The following TRIM67 variants were observed in gnomAD, a reference collection of about 807,000 sequenced individuals.
The protein encoded by TRIM67 is tripartite motif-containing protein 67.
In TRIM67, 39 loss-of-function variants were observed where a neutral mutation model predicts 71.0. The observed-to-expected ratio is 0.55, with a 90% CI of 0.43 to 0.72. TRIM67 has a LOEUF of 0.72. TRIM67 is among the 30% of genes least tolerant of loss of function. The pLI is 0.00. For missense variants in TRIM67, 973 were observed against 1,079.2 expected, an observed-to-expected ratio of 0.90 and a Z score of 1.38; for synonymous variants, 481 against 473.9, an observed-to-expected ratio of 1.01 and a Z score of -0.19.
At position 231,213,972 on chromosome 1, in the gene TRIM67, G is replaced by C; in HGVS notation, c.2281G>C (p.Val761Leu). Residue 761 changes from valine (V) to leucine (L), a missense_variant, in exon 9 of 10, where the codon GTG becomes CTG. Transcript: ENST00000366653. ...FMPALSLNRNVQVTLHTGLEV... is the reference protein window; with the variant it reads ...FMPALSLNRNLQVTLHTGLEV... ...GCCAGCCCTCAGCCTCAACCGCAAC[G>C]TGCAGGTACACACCTCCCCAGGGCC... The C allele has an allele frequency of 6.2e-7, 1 of 1,609,958 alleles. No individual in the cohort carries two copies. Among genetic ancestry groups the C allele is most frequent in the African/African-American group, 1.3e-5 (1 of 74,990 alleles).
chr1:231,184,005 A>T (rs1461325211), intron 1 of TRIM67: 1 of 152,200 alleles, frequency 6.6e-6, no homozygotes, highest in Admixed American at 6.5e-5. Context: ...CCATCTCTCC[A>T]GGTCTCTTTG....
rs2102769907 is a variant in TRIM67 at position 231,217,538 on chromosome 1, T to C, written c.*2098T>C. 10 of 1,005,118 alleles carry C rather than the reference T, an allele frequency of 9.9e-6. No individual in the cohort carries two copies. The highest frequency in any genetic ancestry group is 1.2e-5 in the Non-Finnish European group (10 of 841,502). The allele number at this position is 1,005,118 out of a possible 1,614,324, so 62.3% of individuals were successfully genotyped here. On this transcript the variant is annotated 3_prime_UTR_variant, in exon 10 of 10. Coordinates refer to ENST00000366653, the MANE Select transcript of TRIM67 (RefSeq NM_001004342.5). ...TTGAGGATGAAGAGGAGCCACCACT[T>C]TCCTGGGGCCAAGGAAGCCATCAGC...
rs1684136065 is a variant in TRIM67, at chr1:231,221,444, CTG to C, written c.*6008_*6009del. 3.9e-5 allele frequency: 6 copies of C among 152,572 alleles called. No individual in the cohort carries two copies. In the South Asian group the frequency reaches 8.3e-4, roughly 21 times the overall value. The allele number at this position is 152,572 out of a possible 1,614,324, so 9.5% of individuals were successfully genotyped here. A position where few individuals can be genotyped will look rare whatever the true frequency, so the allele number is the denominator to read the frequency against. ...GTTTGTATTTTTTGAATTGCAAACA[CTG>C]TGTTTTCTGGTCTTTGGGGGTTAGT... On this transcript the variant is annotated 3_prime_UTR_variant, in exon 10 of 10. Coordinates refer to ENST00000366653, the MANE Select transcript of TRIM67 (RefSeq NM_001004342.5).
At chr1:231,206,838 C>A in intron 7 of TRIM67, 48 bp downstream of exon 7, 1 of 1,517,730 alleles carries the variant, frequency 6.6e-7, no homozygotes, top group South Asian at 1.3e-5. Context: ...ATCATTTTAT[C>A]CAGTGACAAC....
At chr1:231,206,346 C>G (rs910802074) in intron 6 of TRIM67, among the ~76,000 whole-genome samples, 5 of 151,890 alleles carry the variant, frequency 3.3e-5, no homozygotes, top group Non-Finnish European at 5.9e-5. Context: ...GAGGCTGACG[C>G]AGGAGAATCA....
At chr1:231,175,319 G>A (rs1682716548) in intron 1 of TRIM67, among the ~76,000 whole-genome samples, 2 of 152,184 alleles carry the variant, frequency 1.3e-5, no homozygotes, top group African/African-American at 4.8e-5. Flanking sequence ...GGGGACATCA[G>A]GGCACACCAA....
intron 1 of TRIM67, chr1:231,185,062 T>C (rs1392784868): frequency 1.3e-6 from 2 of 1,532,870 alleles, no homozygotes; most frequent in African/African-American, 1.4e-5. Flanking sequence ...GCTGAGCTGG[T>C]GCCTGGACTT....
intron 6 of TRIM67, among the ~76,000 whole-genome samples, chr1:231,204,416 T>C (rs535760117): frequency 6.6e-6 from 1 of 152,348 alleles, no homozygotes; most frequent in Non-Finnish European, 1.5e-5. Context: ...CTGACCCTCA[T>C]ATACCTGGCA....
Position 231,199,269 on chromosome 1 carries a change from T to TGAGTGAATGAATGAGC in TRIM67, c.1263+101_1263+116dup, listed in dbSNP as rs1457493101. ...AGGCACTGGGGAAATAACAGCTAAG[T>TGAGTGAATGAATGAGC]GAGTGAATGAATGAGCTAATGAATG... On this transcript the variant is annotated intron_variant, in intron 3 of 9. Coordinates refer to ENST00000366653, the MANE Select transcript of TRIM67 (RefSeq NM_001004342.5). The TGAGTGAATGAATGAGC allele has an allele frequency of 4.3e-6, 5 of 1,151,954 alleles. No homozygotes were observed. In the East Asian group the frequency reaches 1.2e-4, roughly 27 times the overall value. The allele number at this position is 1,151,954 out of a possible 1,614,324, so 71.4% of individuals were successfully genotyped here.
chr1:231,162,389 G>T lies in TRIM67; in HGVS notation c.-581G>T, dbSNP rs916650542. The stretch of plus-strand genomic sequence containing the variant: ...CGGCCCAGGGGTCGGCGAGCAGGCA[G>T]CTGGAGCCCCACCTTCGGCTCCCGG... On this transcript the variant is annotated 5_prime_UTR_variant, in exon 1 of 10. Coordinates refer to ENST00000366653, the MANE Select transcript of TRIM67 (RefSeq NM_001004342.5). 1 of 152,256 alleles carries T rather than the reference G, an allele frequency of 6.6e-6. No individual in the cohort carries two copies. Among genetic ancestry groups the T allele is most frequent in the African/African-American group, 2.4e-5 (1 of 41,464 alleles). 9.4% of individuals were successfully genotyped at this position (152,256 alleles called of 1,614,324 possible).
At chr1:231,198,992 C>T in intron 2 of TRIM67, 55 bp from the exon 3 acceptor site, 1 of 1,610,478 alleles carries the variant, frequency 6.2e-7, no homozygotes, top group Non-Finnish European at 8.5e-7. Context: ...CAGATTTTAG[C>T]ATCTTCCCCC....
At chr1:231,173,563 C>T (rs147121634) in intron 1 of TRIM67, among the ~76,000 whole-genome samples, 112 of 152,226 alleles carry the variant, frequency 7.4e-4, no homozygotes, top group African/African-American at 1.8e-3. Flanking sequence ...GGGCAGGTGA[C>T]GCCTGGTGTG....
intron 1 of TRIM67, among the ~76,000 whole-genome samples, chr1:231,166,861 G>T (rs574090172): frequency 1.3e-5 from 2 of 152,312 alleles, no homozygotes; most frequent in South Asian, 4.1e-4. Flanking sequence ...CTGTTTCAAA[G>T]AGCTTCTGAT....
rs1339470753 is a variant in TRIM67, at chr1:231,163,203, C to T, written c.234C>T (p.Gly78=). ...EHDAAAGPAC[G]GAGGSAAGGL... is the part of the protein sequence containing the mutation. ...ACGCTGCGGCTGGCCCGGCCTGCGG[C>T]GGTGCAGGCGGGAGTGCAGCTGGCG... is the stretch of plus-strand genomic sequence containing the variant. Residue 78 remains glycine, a synonymous_variant, in exon 1 of 10, where the codon GGC becomes GGT. Transcript: ENST00000366653. 1 of 1,485,576 alleles carries T rather than the reference C, an allele frequency of 6.7e-7. No individual in the cohort carries two copies. The highest frequency in any genetic ancestry group is 8.9e-7 in the Non-Finnish European group (1 of 1,120,802). 92.0% of individuals were successfully genotyped at this position (1,485,576 alleles called of 1,614,324 possible). A position where few individuals can be genotyped will look rare whatever the true frequency, so the allele number is the denominator to read the frequency against.
chr1:231,181,539 T>C (rs1206184871), intron 1 of TRIM67, among the ~76,000 whole-genome samples: 1 of 152,228 alleles, frequency 6.6e-6, no homozygotes, highest in Non-Finnish European at 1.5e-5. Context: ...TTCACTATCT[T>C]TCCTCTCTCT....
intron 1 of TRIM67, chr1:231,184,018 T>C (rs1465194279): frequency 2.0e-5 from 3 of 152,212 alleles, no homozygotes; most frequent in African/African-American, 7.2e-5. Context: ...TCTCTTTGTC[T>C]CTTTGTTCAG....
intron 2 of TRIM67, 150 bp from the exon 3 acceptor site, chr1:231,198,897 T>C (rs1683445031): frequency 7.7e-6 from 10 of 1,293,842 alleles, no homozygotes; most frequent in South Asian, 1.4e-5. Context: ...CCTTAATTCA[T>C]ATAAATATTG....
rs752880136 is a variant in TRIM67 at position 231,206,643 on chromosome 1, C to T, written c.1681-9C>T. The stretch of plus-strand genomic sequence containing the variant: ...GAGGAGCCTGGTGAGCAGCATTGCT[C>T]TCTTTCAGGAAGTGTACGTCGGTAA... On this transcript the variant is annotated splice_polypyrimidine_tract_variant and intron_variant, in intron 6 of 9. Coordinates refer to ENST00000366653, the MANE Select transcript of TRIM67 (RefSeq NM_001004342.5). 5.1e-6 allele frequency: 8 copies of T among 1,577,614 alleles called. No individual in the cohort carries two copies. In the East Asian group the frequency reaches 1.8e-4, roughly 36 times the overall value.
chr1:231,188,636 C>T (rs540789154), intron 1 of TRIM67, among the ~76,000 whole-genome samples: 41 of 152,286 alleles, frequency 2.7e-4, no homozygotes, highest in African/African-American at 9.6e-4. Context: ...TGAGTCCTGG[C>T]CACACTACTT....
Sources: allele counts gnomAD v4.1 joint callset (sites outside exome capture counted in the v4.1 genomes callset), GRCh38; gene constraint gnomAD v4.1.1; transcripts MANE v1.5; gene names NCBI Gene and HGNC (gene_info 2026-07-23, HGNC 2026-07-21).